KIAA1671: variants seen among roughly 807,000 people sequenced by gnomAD.
KIAA1671 encodes the protein KIAA1671.
A neutral mutation model predicts 131.2 loss-of-function variants in KIAA1671; 52 were observed. That is an observed-to-expected ratio of 0.40 (90% CI 0.32 to 0.50). The LOEUF is 0.50. KIAA1671 is among the 20% of genes least tolerant of loss of function. The pLI, the probability that KIAA1671 is intolerant of heterozygous loss-of-function variation, is 0.73. For missense variants in KIAA1671, 2,360 were observed against 2,364.2 expected, an observed-to-expected ratio of 1.00 and a Z score of 0.04; for synonymous variants, 1,003 against 961.6, an observed-to-expected ratio of 1.04 and a Z score of -0.80.
intron 1 of KIAA1671, among the ~76,000 whole-genome samples, chr22:25,020,021 G>A (rs1925575708): frequency 6.6e-6 from 1 of 152,136 alleles, no homozygotes; most frequent in Non-Finnish European, 1.5e-5. Context: ...ACATCTTTGT[G>A]CATATAACTT....
chr22:24,976,412 T>G (rs112058418), intron 1 of KIAA1671, among the ~76,000 whole-genome samples: 43 of 152,224 alleles, frequency 2.8e-4, no homozygotes, highest in Non-Finnish European at 5.1e-4. Flanking sequence ...TGCTTCCCAG[T>G]TCCTGTTTCT....
At chr22:25,024,179 C>A (rs780230577) in intron 1 of KIAA1671, 2 of 152,214 alleles carry the variant, frequency 1.3e-5, no homozygotes. Context: ...TCTCCTTTTA[C>A]TTCCATGCAG....
At chr22:25,037,734 C>A (rs561305370) in intron 4 of KIAA1671, among the ~76,000 whole-genome samples, 3 of 152,020 alleles carry the variant, frequency 2.0e-5, no homozygotes, top group Admixed American at 1.3e-4. Flanking sequence ...TATATATATG[C>A]TGTATATAAA....
At chr22:25,055,551 C>T (rs1927786457) in intron 6 of KIAA1671, 1 of 149,418 alleles carries the variant, frequency 6.7e-6, no homozygotes. Context: ...TAGTGAGACC[C>T]CTGTCTCTAA....
intron 1 of KIAA1671, among the ~76,000 whole-genome samples, chr22:24,957,694 T>TTTTTTTA (rs1921786319): frequency 3.4e-5 from 5 of 146,316 alleles, no homozygotes; most frequent in Non-Finnish European, 6.0e-5. Context: ...TTTTTTTTTT[T>TTTTTTTA]GAGACGGAGT....
At chr22:25,004,902 C>T (rs1341000081) in intron 1 of KIAA1671, among the ~76,000 whole-genome samples, 1 of 150,718 alleles carries the variant, frequency 6.6e-6, no homozygotes, top group Non-Finnish European at 1.5e-5. Context: ...GCTGAGATGG[C>T]ACCTCTGCAC....
In KIAA1671 at chr22:25,071,095, TC is replaced by T. The variant is rs1468549981; in HGVS notation, c.4530+21733del. ...TTCTCCTCTCTGGGTTTCTGTTTCC[TC>T]CTCTGTGAAATAAGGAGTGGGTGTA... On this transcript the variant is annotated intron_variant, in intron 6 of 12. Transcript: ENST00000358431. Among the ~76,000 whole-genome samples, 4 of 152,350 alleles carry T rather than the reference TC, an allele frequency of 2.6e-5. No homozygotes were observed. In the East Asian group the frequency reaches 5.8e-4, roughly 22 times the overall value.
intron 6 of KIAA1671, among the ~76,000 whole-genome samples, chr22:25,124,190 C>T (rs1932072285): frequency 6.6e-6 from 1 of 152,166 alleles, no homozygotes; most frequent in African/African-American, 2.4e-5. Context: ...TCTAAGTGCC[C>T]ATTACCCCAC....
intron 5 of KIAA1671, among the ~76,000 whole-genome samples, chr22:25,043,900 A>G (rs925693324): frequency 4.6e-5 from 7 of 152,194 alleles, no homozygotes; most frequent in Admixed American, 3.3e-4. Context: ...CAGCTGAGTG[A>G]TACAGGGCAA....
In KIAA1671 at chr22:25,093,840, C is replaced by CTCTCTT. The variant is rs1568951629; in HGVS notation, c.4530+44481_4530+44482insTTCTCT. Among the ~76,000 whole-genome samples the CTCTCTT allele has an allele frequency of 1.1e-3, 63 of 57,064 alleles. 8 individuals carry two copies. Among genetic ancestry groups the CTCTCTT allele is most frequent in the South Asian group, 2.9e-3 (4 of 1,368 alleles). The allele number at this position is 57,064 out of a possible 152,430, so 37.4% of individuals were successfully genotyped here. A position where few individuals can be genotyped will look rare whatever the true frequency, so the allele number is the denominator to read the frequency against. On this transcript the variant is annotated intron_variant, in intron 6 of 12. Coordinates refer to ENST00000358431, the MANE Select transcript of KIAA1671 (RefSeq NM_001145206.2). ...TCTCTCTCTTTCTCTCTCTGTCTGT[C>CTCTCTT]TCTCTCTCTCTCTCTCTCTCTCTCT... is the stretch of plus-strand genomic sequence containing the variant.
chr22:25,179,372 G>A (rs1021414261), intron 9 of KIAA1671: 3 of 1,604,988 alleles, frequency 1.9e-6, no homozygotes, highest in South Asian at 1.1e-5. Flanking sequence ...GCAGCTCCTC[G>A]CGCAGCCGCT....
intron 1 of KIAA1671, among the ~76,000 whole-genome samples, chr22:24,999,526 C>A (rs1292805677): frequency 6.7e-6 from 1 of 149,680 alleles, no homozygotes; most frequent in South Asian, 2.1e-4. Flanking sequence ...TTATGCCTGG[C>A]CTGGAGTAGT....
chr22:25,129,742 G>C (rs1201660672), intron 6 of KIAA1671, among the ~76,000 whole-genome samples: 1 of 151,242 alleles, frequency 6.6e-6, no homozygotes, highest in Non-Finnish European at 1.5e-5. Flanking sequence ...ACTTACTTCA[G>C]GCTAGAACTC....
intron 1 of KIAA1671, among the ~76,000 whole-genome samples, chr22:24,981,087 T>C (rs1387847157): frequency 1.3e-5 from 2 of 151,708 alleles, no homozygotes; most frequent in South Asian, 2.1e-4. Context: ...TGTGTGTGTG[T>C]GTTTTTACTG....
Position 25,028,282 on chromosome 22 carries a change from G to C in KIAA1671, c.283G>C (p.Gly95Arg), listed in dbSNP as rs1342271084. 1.3e-6 allele frequency: 2 copies of C among 1,551,374 alleles called. No individual in the cohort carries two copies. The highest frequency in any genetic ancestry group is 2.4e-5 in the East Asian group (1 of 40,904). ...CAGTTCGACTGGACCTTCCCCCTCT[G>C]GGGGGCTCTCTGAGGAGCCAGCAGC... Reference protein sequence around the residue: ...RPSSTGPSPSGGLSEEPAAKD... With the variant: ...RPSSTGPSPSRGLSEEPAAKD... The change falls in exon 3 of 13, where the codon GGG becomes CGG. Residue 95 changes from glycine to arginine, a missense_variant. Gly to Arg is a moderately radical substitution (Grantham distance 125). Coordinates refer to ENST00000358431, the MANE Select transcript of KIAA1671 (RefSeq NM_001145206.2).
chr22:25,025,599 C>T (rs1925907610), intron 1 of KIAA1671, 34 bp from the exon 2 acceptor site: 1 of 152,220 alleles, frequency 6.6e-6, no homozygotes, highest in Non-Finnish European at 1.5e-5. Flanking sequence ...TGCCAGAACT[C>T]CGGAACTGAG....
intron 6 of KIAA1671, among the ~76,000 whole-genome samples, chr22:25,132,380 C>T (rs111701128): frequency 2.0e-5 from 3 of 152,228 alleles, no homozygotes; most frequent in African/African-American, 4.8e-5. Flanking sequence ...GGGCTGAGAC[C>T]CACTGGGGTC....
chr22:25,068,194 A>ACTGTGCCATCAGGGAGCAGGGCCG (rs1568938251), intron 6 of KIAA1671, among the ~76,000 whole-genome samples: 91 of 150,646 alleles, frequency 6.0e-4, no homozygotes, highest in East Asian at 4.9e-3. Flanking sequence ...GAGCAGGGCC[A>ACTGTGCCATCAGGGAGCAGGGCCG]GCCTTCCGAC....
intron 11 of KIAA1671, chr22:25,185,608 A>G (rs1368637255): frequency 1.3e-5 from 2 of 151,248 alleles, no homozygotes; most frequent in African/African-American, 2.5e-5. Flanking sequence ...AGAGACGAGC[A>G]CAAAGCAGCT....
Sources: allele counts gnomAD v4.1 joint callset (sites outside exome capture counted in the v4.1 genomes callset), GRCh38; gene constraint gnomAD v4.1.1; transcripts MANE v1.5; gene names NCBI Gene and HGNC (gene_info 2026-07-23, HGNC 2026-07-21).